Variants in CARS1 observed in about 807,000 individuals in gnomAD.
CARS1 encodes the protein cysteinyl-tRNA synthetase 1.
Under a neutral mutation model 106.2 loss-of-function variants are expected in CARS1, and 48 were observed. The observed-to-expected ratio is 0.45, with a 90% CI of 0.36 to 0.57. The LOEUF is 0.57. Among genes scored for constraint, CARS1 ranks in the 20% least tolerant of loss-of-function variants. The pLI is 0.00. For missense variants in CARS1, 968 were observed against 1,057.2 expected, an observed-to-expected ratio of 0.92 and a Z score of 1.17; for synonymous variants, 409 against 403.4, an observed-to-expected ratio of 1.01 and a Z score of -0.17.
In CARS1 at chr11:3,050,888, G is replaced by A. The variant is rs558004029; in HGVS notation, c.26-2887C>T. ...CAGCACCCCTGTCTAACACGTGCCC[G>A]CATTTCTTTCCTTCACCATCTGCCC... On this transcript the variant is annotated intron_variant, in intron 1 of 22. Transcript: ENST00000380525. This position sits in a 1 kb window ranked among gnomAD's most constrained non-coding sequence, Gnocchi z 6.3. Among the ~76,000 whole-genome samples the A allele has an allele frequency of 4.1e-4, 63 of 152,282 alleles. No individual in the cohort carries two copies. The highest frequency in any genetic ancestry group is 1.4e-3 in the African/African-American group (59 of 41,548).
rs1852592366 is a variant in CARS1, at chr11:3,030,308, C to T, written c.802-865G>A. 1 of 152,232 alleles carries T rather than the reference C, an allele frequency of 6.6e-6. No homozygotes were observed. Among genetic ancestry groups the T allele is most frequent in the Non-Finnish European group, 1.5e-5 (1 of 68,086 alleles). The allele number at this position is 152,232 out of a possible 1,614,324, so 9.4% of individuals were successfully genotyped here. On this transcript the variant is annotated intron_variant, in intron 7 of 22. Coordinates refer to ENST00000380525, the MANE Select transcript of CARS1 (RefSeq NM_001014437.3). The surrounding 1 kb of genome is among the most constrained non-coding windows in gnomAD (Gnocchi z 5.7). ...GAAGGGGCACAGGGCCCACGTGGGCCAGGTTCCTGATGCAATCCCTGCCTA... is the reference window on the plus strand; with the variant it reads ...GAAGGGGCACAGGGCCCACGTGGGCTAGGTTCCTGATGCAATCCCTGCCTA...
intron 10 of CARS1, 112 bp downstream of exon 10, chr11:3,026,564 C>A: frequency 8.7e-7 from 1 of 1,148,026 alleles, no homozygotes. Flanking sequence ...AAGCACTGTT[C>A]CCAAGAGTCT....
rs1045846164 is a variant in CARS1 at position 3,052,069 on chromosome 11, A to G, written c.26-4068T>C. On this transcript the variant is annotated intron_variant, in intron 1 of 22. Coordinates refer to ENST00000380525, the MANE Select transcript of CARS1 (RefSeq NM_001014437.3). This position sits in a 1 kb window ranked among gnomAD's most constrained non-coding sequence, Gnocchi z 4.6. ...TTCCCTCTTTTTCTTCATTGCTCAC[A>G]TTTTCTGCAGTAAGCATCTGCTATT... is the stretch of plus-strand genomic sequence containing the variant. Among the ~76,000 whole-genome samples, 1 of 152,148 alleles carries G rather than the reference A, an allele frequency of 6.6e-6. No homozygotes were observed. Among genetic ancestry groups the G allele is most frequent in the Non-Finnish European group, 1.5e-5 (1 of 68,034 alleles).
At position 3,053,897 on chromosome 11, in the gene CARS1, T is replaced by C. The variant is rs1199514397; in HGVS notation, c.25+3446A>G. Among the ~76,000 whole-genome samples, 2 of 152,166 alleles carry C rather than the reference T, an allele frequency of 1.3e-5. No individual in the cohort carries two copies. Among genetic ancestry groups the C allele is most frequent in the Non-Finnish European group, 1.5e-5 (1 of 68,008 alleles). ...CAAAGGTCCCACCAGGGTCCTCATC[T>C]TGTGGGTGTCCAGGCAACATCTCAC... On this transcript the variant is annotated intron_variant, in intron 1 of 22. Transcript: ENST00000380525. The surrounding 1 kb of genome is among the most constrained non-coding windows in gnomAD (Gnocchi z 6.6).
At position 3,010,658 on chromosome 11, in the gene CARS1, A is replaced by T. The variant is rs1035747587; in HGVS notation, c.2068+1537T>A. Among the ~76,000 whole-genome samples the T allele has an allele frequency of 2.0e-5, 3 of 152,102 alleles. No homozygotes were observed. The East Asian group carries it at 5.8e-4, about 29-fold the overall frequency. ...GCCCGGCCAGCCTCTCCTCTCACCC[A>T]GTGTCCTGCACTCTCCTGCAGCCTG... On this transcript the variant is annotated intron_variant, in intron 18 of 22. Transcript: ENST00000380525.
At chr11:3,051,796 C>T (rs1225468610) in intron 1 of CARS1, among the ~76,000 whole-genome samples, 4 of 152,306 alleles carry the variant, frequency 2.6e-5, no homozygotes, top group Middle Eastern at 3.4e-3. Context: ...CTCCCCTGTC[C>T]CCTCCCTGAG....
At chr11:3,012,763 G>A (rs2134120256) in intron 17 of CARS1, among the ~76,000 whole-genome samples, 1 of 152,120 alleles carries the variant, frequency 6.6e-6, no homozygotes, top group East Asian at 1.9e-4. Flanking sequence ...TGTTTAAGAT[G>A]AATGATCTCC....
At chr11:3,035,330 A>C (rs1397443558) in intron 7 of CARS1, among the ~76,000 whole-genome samples, 1 of 152,216 alleles carries the variant, frequency 6.6e-6, no homozygotes, top group Non-Finnish European at 1.5e-5. Flanking sequence ...CAGTCTCAGG[A>C]GAGGTTGGAA....
chr11:3,020,831 C>T lies in CARS1; in HGVS notation c.1154-499G>A, dbSNP rs373999179. ...GATGCAGCTAAGCTGCTGTGTACTA[C>T]TGCAGGGAACCTGGTGGCAGTGCAG... On this transcript the variant is annotated intron_variant, in intron 10 of 22. Coordinates refer to ENST00000380525, the MANE Select transcript of CARS1 (RefSeq NM_001014437.3). This position sits in a 1 kb window ranked among gnomAD's most constrained non-coding sequence, Gnocchi z 4.6. 6.6e-6 allele frequency among the ~76,000 whole-genome samples: 1 copy of T among 152,194 alleles called. No homozygotes were observed. The highest frequency in any genetic ancestry group is 1.5e-5 in the Non-Finnish European group (1 of 68,036).
chr11:3,021,924 G>C lies in CARS1; in HGVS notation c.1154-1592C>G, dbSNP rs1851604558. ...CACGTTTTCAACTTTTCATTATTAT[G>C]AACTTACTCATGAAAGTTTATATCT... is the stretch of plus-strand genomic sequence containing the variant. On this transcript the variant is annotated intron_variant, in intron 10 of 22. Coordinates refer to ENST00000380525, the MANE Select transcript of CARS1 (RefSeq NM_001014437.3). This position sits in a 1 kb window ranked among gnomAD's most constrained non-coding sequence, Gnocchi z 5.3. Among the ~76,000 whole-genome samples the C allele has an allele frequency of 6.6e-6, 1 of 152,156 alleles. No homozygotes were observed. Among genetic ancestry groups the C allele is most frequent in the African/African-American group, 2.4e-5 (1 of 41,416 alleles).
rs539826086 is a variant in CARS1 at position 3,022,871 on chromosome 11, C to T, written c.1154-2539G>A. On this transcript the variant is annotated intron_variant, in intron 10 of 22. Coordinates refer to ENST00000380525, the MANE Select transcript of CARS1 (RefSeq NM_001014437.3). The surrounding 1 kb of genome is among the most constrained non-coding windows in gnomAD (Gnocchi z 4.9). Reference sequence around the variant, plus strand: ...TCCCCTTTTCCTCTACCATTAGAGTCCCCATGGCGAGGAGCACATGACTGC... The same window carrying T: ...TCCCCTTTTCCTCTACCATTAGAGTTCCCATGGCGAGGAGCACATGACTGC... Among the ~76,000 whole-genome samples the T allele has an allele frequency of 2.0e-5, 3 of 152,316 alleles. No homozygotes were observed. The East Asian group carries it at 5.8e-4, about 29-fold the overall frequency.
In CARS1 at chr11:3,044,569, G is replaced by A. The variant is rs1490645619; in HGVS notation, c.275-2313C>T. 1.3e-5 allele frequency among the ~76,000 whole-genome samples: 2 copies of A among 152,082 alleles called. No homozygotes were observed. The highest frequency in any genetic ancestry group is 4.8e-5 in the African/African-American group (2 of 41,412). ...CTGCCACCACGCCCCACCAATTTTTGTATCTTTAGTAGGGATGGGGTTTCA... is the reference window on the plus strand; with the variant it reads ...CTGCCACCACGCCCCACCAATTTTTATATCTTTAGTAGGGATGGGGTTTCA... On this transcript the variant is annotated intron_variant, in intron 2 of 22. Transcript: ENST00000380525. The surrounding 1 kb of genome is among the most constrained non-coding windows in gnomAD (Gnocchi z 4.4).
At position 3,017,103 on chromosome 11, in the gene CARS1, T is replaced by C; in HGVS notation, c.1917+3A>G. 1 of 1,609,460 alleles carries C rather than the reference T, an allele frequency of 6.2e-7. No individual in the cohort carries two copies. The highest frequency in any genetic ancestry group is 1.1e-5 in the South Asian group (1 of 90,992). ...GGATACGCCTGCCTGGGGCCTGGCT[T>C]ACCTTCAGCATATGGGTGAGGTACA... On this transcript the variant is annotated splice_donor_region_variant and intron_variant, in intron 16 of 22. Coordinates refer to ENST00000380525, the MANE Select transcript of CARS1 (RefSeq NM_001014437.3). This position sits in a 1 kb window ranked among gnomAD's most constrained non-coding sequence, Gnocchi z 4.9.
intron 2 of CARS1, among the ~76,000 whole-genome samples, chr11:3,042,824 C>T (rs1854656886): frequency 6.6e-6 from 1 of 152,210 alleles, no homozygotes; most frequent in Non-Finnish European, 1.5e-5. Context: ...AGGCCACCTC[C>T]AAGCCTCCAA....
rs1851354990 is a variant in CARS1 at position 3,019,369 on chromosome 11, T to C, written c.1267-102A>G. On this transcript the variant is annotated intron_variant, in intron 11 of 22. Coordinates refer to ENST00000380525, the MANE Select transcript of CARS1 (RefSeq NM_001014437.3). The surrounding 1 kb of genome is among the most constrained non-coding windows in gnomAD (Gnocchi z 6.2). ...GATGGCCCTTACATCCTCTGAACTT[T>C]ATTGGAACAAGCGTTAAATCCCGCA... The C allele has an allele frequency of 2.4e-6, 3 of 1,238,434 alleles. No homozygotes were observed. The highest frequency in any genetic ancestry group is 4.2e-4 in the Middle Eastern group (2 of 4,806). 76.7% of individuals were successfully genotyped at this position (1,238,434 alleles called of 1,614,324 possible). A position where few individuals can be genotyped will look rare whatever the true frequency, so the allele number is the denominator to read the frequency against.
At chr11:3,027,719 AC>A in intron 9 of CARS1, 1 of 401,984 alleles carries the variant, frequency 2.5e-6, no homozygotes, top group South Asian at 1.8e-5. Flanking sequence ...AAGAGTGTGA[AC>A]CTCCTGTTAT....
Position 3,026,700 on chromosome 11 carries a change from G to T in CARS1, c.1129C>A (p.Gln377Lys), listed in dbSNP as rs772901347. 1.2e-6 allele frequency: 2 copies of T among 1,613,882 alleles called. No homozygotes were observed. The highest frequency in any genetic ancestry group is 1.7e-6 in the Non-Finnish European group (2 of 1,179,994). The stretch of plus-strand genomic sequence containing the variant: ...CCTTCCCCTTCTTGAAGGGCTTTCT[G>T]ATCTCCAACGGCCTCAGGCACCAGC... ...GKLVPEAVGDQKALQEGEGDL... is the reference protein window; with the variant it reads ...GKLVPEAVGDKKALQEGEGDL... Residue 377 changes from glutamine (Q) to lysine (K), a missense_variant, in exon 10 of 23, where the codon CAG (glutamine) becomes AAG (lysine). Coordinates refer to ENST00000380525, the MANE Select transcript of CARS1 (RefSeq NM_001014437.3).
At chr11:3,005,631 ATTTT>A (rs5789288) in intron 19 of CARS1, among the ~76,000 whole-genome samples, 198 bp from the exon 20 acceptor site, 3 of 132,474 alleles carry the variant, frequency 2.3e-5, no homozygotes, top group Non-Finnish European at 3.2e-5. Flanking sequence ...TGTGTGTGTG[ATTTT>A]TTTTTTTTTT....
In CARS1 at chr11:3,040,750, G is replaced by T; in HGVS notation, c.455+146C>A. On this transcript the variant is annotated intron_variant, in intron 4 of 22. Transcript: ENST00000380525. This position sits in a 1 kb window ranked among gnomAD's most constrained non-coding sequence, Gnocchi z 5.8. ...AATTTTCATCTTAAAAATAAGAGAA[G>T]AAATTCAGTCTTGATTCCTCAAATC... 1.3e-6 allele frequency: 1 copy of T among 786,314 alleles called. No individual in the cohort carries two copies. Among genetic ancestry groups the T allele is most frequent in the Non-Finnish European group, 2.1e-6 (1 of 485,080 alleles). 48.7% of individuals were successfully genotyped at this position (786,314 alleles called of 1,614,324 possible).
Sources: gnomAD v4.1 joint callset for allele counts (sites outside exome capture counted in the v4.1 genomes callset) on GRCh38, gnomAD v4.1.1 for gene constraint, Gnocchi (gnomAD v3.1) non-coding constraint, MANE v1.5 for transcripts, NCBI Gene and HGNC (gene_info 2026-07-23, HGNC 2026-07-21) for gene names.